The following COL1A2 variants were observed in gnomAD, a reference collection of about 807,000 sequenced individuals.
COL1A2 encodes collagen alpha-2(I) chain.
A neutral mutation model predicts 174.3 loss-of-function variants in COL1A2; 49 were observed. That is an observed-to-expected ratio of 0.28 (90% CI 0.22 to 0.36). The LOEUF is 0.36. COL1A2 is among the 10% of genes least tolerant of loss of function. The pLI, the probability that COL1A2 is intolerant of heterozygous loss-of-function variation, is 1.00. For synonymous variants in COL1A2, 655 were observed against 606.6 expected (o/e 1.08, Z -1.17); for missense variants, 1,438 against 1,822.7 (o/e 0.79, Z 3.84).
At chr7:94,425,579 A>G in intron 42 of COL1A2, 31 bp from the exon 43 acceptor site, 1 of 1,612,980 alleles carries the variant, frequency 6.2e-7, no homozygotes, top group East Asian at 2.2e-5. Flanking sequence ...GAGCCTCACC[A>G]ACAGCCTTAA....
Position 94,408,568 on chromosome 7 carries a change from A to G in COL1A2, c.738+188A>G, listed in dbSNP as rs1413558157. Among the ~76,000 whole-genome samples the G allele has an allele frequency of 2.6e-5, 4 of 152,320 alleles. No individual in the cohort carries two copies. In the East Asian group the frequency reaches 7.7e-4, roughly 29 times the overall value. On this transcript the variant is annotated intron_variant, in intron 15 of 51. Coordinates refer to ENST00000297268, the MANE Select transcript of COL1A2 (RefSeq NM_000089.4). ...GTACCTGAACTTTTGATTGATGTATAAAGCAAAATATCCCCACCCTGGATA... is the reference window on the plus strand; with the variant it reads ...GTACCTGAACTTTTGATTGATGTATGAAGCAAAATATCCCCACCCTGGATA...
chr7:94,401,693 GC>G (rs1562898100), intron 6 of COL1A2, 73 bp downstream of exon 6: 2 of 1,132,340 alleles, frequency 1.8e-6, no homozygotes, highest in Non-Finnish European at 2.6e-6. Context: ...ATTTTACCAC[GC>G]CATTTATTTA....
At position 94,394,943 on chromosome 7, in the gene COL1A2, G is replaced by T; in HGVS notation, c.-89G>T. On this transcript the variant is annotated 5_prime_UTR_variant, in exon 1 of 52. Transcript: ENST00000297268. ...CGGCTAAGTTGGAGGTACTGGCCACGACTGCATGCCCGCGCCCGCCAGGTG... is the reference window on the plus strand; with the variant it reads ...CGGCTAAGTTGGAGGTACTGGCCACTACTGCATGCCCGCGCCCGCCAGGTG... 4 of 1,077,086 alleles carry T rather than the reference G, an allele frequency of 3.7e-6. No individual in the cohort carries two copies. In the South Asian group the frequency reaches 3.8e-5, roughly 10 times the overall value. The allele number at this position is 1,077,086 out of a possible 1,614,324, so 66.7% of individuals were successfully genotyped here.
At chr7:94,418,416 TA>T in intron 32 of COL1A2, 82 bp from the exon 33 acceptor site, 2 of 1,209,790 alleles carry the variant, frequency 1.7e-6, no homozygotes, top group Non-Finnish European at 1.2e-6. Flanking sequence ...GCATCTTCTG[TA>T]AAAAAGAAAA....
chr7:94,409,212 T>C (rs1791865419), intron 16 of COL1A2, 110 bp from the exon 17 acceptor site: 1 of 1,008,168 alleles, frequency 9.9e-7, no homozygotes. Flanking sequence ...AGAAAAATAA[T>C]TGCAATTTTG....
rs955689039 is a variant in COL1A2 at position 94,429,505 on chromosome 7, G to C, written c.3954+75G>C. ...GGTTCTAACTTAGACTGCCCCCAAG[G>C]GGGGGTCTAAAGGGGGGTTAAAAGA... On this transcript the variant is annotated intron_variant, in intron 51 of 51. Transcript: ENST00000297268. 25 of 1,563,644 alleles carry C rather than the reference G, an allele frequency of 1.6e-5. No individual in the cohort carries two copies. The South Asian group carries it at 2.0e-4, about 13-fold the overall frequency.
intron 4 of COL1A2, 200 bp from the exon 5 acceptor site, chr7:94,399,996 A>C: frequency 1.4e-6 from 1 of 729,100 alleles, no homozygotes; most frequent in Non-Finnish European, 2.5e-6. Flanking sequence ...TAGGAAAACT[A>C]CCCTGTGATA....
At chr7:94,426,620 G>A (rs1792283790) in intron 46 of COL1A2, 90 bp downstream of exon 46, 1 of 992,882 alleles carries the variant, frequency 1.0e-6, no homozygotes, top group Non-Finnish European at 1.6e-6. Flanking sequence ...TATTGTTCCA[G>A]TATAGCCTAT....
intron 39 of COL1A2, 163 bp downstream of exon 39, chr7:94,422,115 C>A: frequency 1.8e-6 from 1 of 544,604 alleles, no homozygotes; most frequent in Non-Finnish European, 3.3e-6. Context: ...TATTTCATCA[C>A]AAGTTATATT....
chr7:94,421,204 C>A (rs571157914), intron 38 of COL1A2, 142 bp downstream of exon 38: 24 of 811,738 alleles, frequency 3.0e-5, no homozygotes, highest in Non-Finnish European at 5.0e-5. Flanking sequence ...AGAGCAATTC[C>A]GATATTGATG....
intron 13 of COL1A2, 121 bp downstream of exon 13, chr7:94,408,012 T>C (rs1562900166): frequency 8.4e-7 from 1 of 1,192,858 alleles, no homozygotes; most frequent in Non-Finnish European, 1.2e-6. Flanking sequence ...GTTTTTCTAA[T>C]AGCCTTCTGA....
chr7:94,425,803 T>C lies in COL1A2; in HGVS notation c.2889T>C (p.Pro963=). The change falls in exon 44 of 52, where the codon CCT becomes CCC. Residue 963 remains proline (P), a synonymous_variant. Transcript: ENST00000297268. ...NIGPVGAAGA[P]GPHGPVGPAG... is the part of the protein sequence containing the mutation. Reference sequence around the variant, plus strand: ...GTCCCGTTGGTGCTGCAGGTGCACCTGGTCCTCATGGCCCCGTGGGTCCTG... The same window carrying C: ...GTCCCGTTGGTGCTGCAGGTGCACCCGGTCCTCATGGCCCCGTGGGTCCTG... The C allele has an allele frequency of 1.9e-6, 3 of 1,612,980 alleles. No individual in the cohort carries two copies. Among genetic ancestry groups the C allele is most frequent in the Non-Finnish European group, 2.5e-6 (3 of 1,179,516 alleles).
chr7:94,397,654 C>A (rs1791609406), intron 1 of COL1A2, 94 bp from the exon 2 acceptor site: 12 of 727,290 alleles, frequency 1.6e-5, no homozygotes, highest in Non-Finnish European at 2.6e-5. Flanking sequence ...TAATTCAATT[C>A]TATAAACTTG....
At chr7:94,423,943 T>C in intron 40 of COL1A2, 1 of 253,678 alleles carries the variant, frequency 3.9e-6, no homozygotes, top group Admixed American at 5.1e-5. Context: ...TTGCTGGATC[T>C]TATGGTAGTT....
chr7:94,408,646 GT>G (rs953466197), intron 15 of COL1A2, 123 bp from the exon 16 acceptor site: 5 of 1,114,598 alleles, frequency 4.5e-6, no homozygotes, highest in African/African-American at 3.1e-5. Context: ...CTGGTTGTCA[GT>G]TTTTTTCTTT....
At chr7:94,400,402 T>C in intron 5 of COL1A2, 114 bp downstream of exon 5, 1 of 942,478 alleles carries the variant, frequency 1.1e-6, no homozygotes, top group Non-Finnish European at 1.6e-6. Context: ...AATTAGTATA[T>C]TTTATTTCAT....
At chr7:94,408,654 C>T in intron 15 of COL1A2, 116 bp from the exon 16 acceptor site, 1 of 1,160,050 alleles carries the variant, frequency 8.6e-7, no homozygotes, top group Admixed American at 2.0e-5. Context: ...CAGTTTTTTT[C>T]TTTACTAATA....
At chr7:94,419,735 A>G (rs1427966682) in intron 34 of COL1A2, among the ~76,000 whole-genome samples, 184 bp downstream of exon 34, 2 of 152,172 alleles carry the variant, frequency 1.3e-5, no homozygotes, top group Non-Finnish European at 2.9e-5. Context: ...TTCCCTTCCT[A>G]TAGATTTGCC....
chr7:94,416,327 A>G (rs1210264817), intron 30 of COL1A2, 78 bp from the exon 31 acceptor site: 5 of 1,283,456 alleles, frequency 3.9e-6, no homozygotes, highest in Non-Finnish European at 5.5e-6. Context: ...AAGCTACACA[A>G]ATGTAAACTC....
Sources: allele counts gnomAD v4.1 joint callset (sites outside exome capture counted in the v4.1 genomes callset), GRCh38; gene constraint gnomAD v4.1.1; transcripts MANE v1.5; gene names NCBI Gene and HGNC (gene_info 2026-07-23, HGNC 2026-07-21).